The following CASK variants were observed in gnomAD, a reference collection of about 807,000 sequenced individuals.
CASK encodes the protein calcium/calmodulin dependent serine protein kinase.
Under a neutral mutation model 82.9 loss-of-function variants are expected in CASK, and 4 were observed. The observed-to-expected ratio is 0.05, with a 90% CI of 0.02 to 0.11. The LOEUF is 0.11. Ranked by LOEUF, CASK falls within the 10% of genes least tolerant of loss-of-function variation. CASK has a pLI of 1.00. For synonymous variants in CASK, 259 were observed against 253.5 expected (o/e 1.02, Z -0.20); for missense variants, 358 against 720.9 (o/e 0.50, Z 5.76).
intron 2 of CASK, among the ~76,000 whole-genome samples, chrX:41,814,735 TATA>T (rs1240733438): frequency 9.1e-6 from 1 of 109,627 alleles, no homozygotes; most frequent in East Asian, 2.8e-4. Context: ...GAACTTAAAG[TATA>T]ATAATAAAAA....
chrX:41,896,096 C>T lies in CASK; in HGVS notation c.59+26834G>A, dbSNP rs2072265873. Among the ~76,000 whole-genome samples, 3 of 111,493 alleles carry T rather than the reference C, an allele frequency of 2.7e-5. No individual in the cohort carries two copies. In the South Asian group the frequency reaches 1.1e-3, roughly 42 times the overall value. ...TACTGAAAACAAGGGTTAAATAAGTCTTTGCAGCCAATGATTAAGGATCCA... is the reference window on the plus strand; with the variant it reads ...TACTGAAAACAAGGGTTAAATAAGTTTTTGCAGCCAATGATTAAGGATCCA... On this transcript the variant is annotated intron_variant, in intron 1 of 26. Transcript: ENST00000378163.
chrX:41,737,219 C>T (rs986616229), intron 5 of CASK, among the ~76,000 whole-genome samples: 2 of 111,451 alleles, frequency 1.8e-5, no homozygotes, highest in African/African-American at 6.5e-5. Context: ...CAAAGAGCGC[C>T]CAGCCAGCTC....
At chrX:41,888,785 A>G (rs2072104017) in intron 1 of CASK, among the ~76,000 whole-genome samples, 1 of 104,955 alleles carries the variant, frequency 9.5e-6, no homozygotes, top group Non-Finnish European at 1.9e-5. Flanking sequence ...ATATACATGT[A>G]TGTGTATATA....
chrX:41,862,440 C>A (rs939748211), intron 1 of CASK, among the ~76,000 whole-genome samples: 3 of 106,688 alleles, frequency 2.8e-5, no homozygotes, highest in African/African-American at 1.0e-4. Context: ...ACTTGGGAGG[C>A]TAAGGCAGGG....
chrX:41,657,335 G>A (rs1054312996), intron 8 of CASK, among the ~76,000 whole-genome samples: 1 of 111,973 alleles, frequency 8.9e-6, no homozygotes, highest in Admixed American at 9.4e-5. Flanking sequence ...TGTCTGAAAC[G>A]GTGAAACCAA....
At chrX:41,854,217 GGC>G (rs760436631) in intron 1 of CASK, among the ~76,000 whole-genome samples, 6,868 of 52,550 alleles carry the variant, frequency 0.13, 282 homozygotes, top group East Asian at 0.38. Context: ...CGCGCGCGCG[GGC>G]GCGCGCACAC....
chrX:41,746,894 A>G (rs2068695828), intron 3 of CASK, among the ~76,000 whole-genome samples: 1 of 111,822 alleles, frequency 8.9e-6, no homozygotes, highest in African/African-American at 3.3e-5. Flanking sequence ...ACAAGATCGA[A>G]ATCTCTGTCT....
chrX:41,681,267 A>G (rs2067349958), intron 5 of CASK, among the ~76,000 whole-genome samples: 2 of 112,448 alleles, frequency 1.8e-5, no homozygotes, highest in Admixed American at 1.9e-4. Flanking sequence ...TTAGTACTAT[A>G]AAAATGTACA....
intron 11 of CASK, among the ~76,000 whole-genome samples, chrX:41,614,918 A>G (rs1416819517): frequency 1.8e-5 from 2 of 110,791 alleles, no homozygotes; most frequent in African/African-American, 3.3e-5. Context: ...TCCTGTGCTC[A>G]AGTGATCCTC....
chrX:41,760,410 G>A (rs1268038874), intron 3 of CASK, among the ~76,000 whole-genome samples: 2 of 111,952 alleles, frequency 1.8e-5, no homozygotes, highest in Admixed American at 9.5e-5. Flanking sequence ...TTCTCAGCCC[G>A]CTGTATAACT....
At chrX:41,690,126 G>T (rs2067516263) in intron 5 of CASK, among the ~76,000 whole-genome samples, 1 of 111,351 alleles carries the variant, frequency 9.0e-6, no homozygotes, top group Non-Finnish European at 1.9e-5. Context: ...ATAGCACATG[G>T]GTCACAAGTA....
chrX:41,642,356 C>G (rs2066674229), intron 8 of CASK, among the ~76,000 whole-genome samples: 1 of 111,807 alleles, frequency 8.9e-6, no homozygotes, highest in Non-Finnish European at 1.9e-5. Flanking sequence ...GTTTACAGTC[C>G]CACCAACAGT....
chrX:41,871,806 T>C (rs2071712497), intron 1 of CASK, among the ~76,000 whole-genome samples: 1 of 112,213 alleles, frequency 8.9e-6, no homozygotes, highest in South Asian at 3.7e-4. Flanking sequence ...TTCAGATACA[T>C]AGACCTTGGG....
Position 41,520,581 on chromosome X carries a change from G to A in CASK, c.2620C>T (p.Arg874Cys), listed in dbSNP as rs1204576497. 3 of 1,206,309 alleles carry A rather than the reference G, an allele frequency of 2.5e-6. No homozygotes were observed. Among genetic ancestry groups the A allele is most frequent in the Non-Finnish European group, 3.4e-6 (3 of 891,520 alleles). The stretch of plus-strand genomic sequence containing the variant: ...AAGATGTCAGACTCCTTCTGCAGAC[G>A]CTGAAGAGATTCATCCTAAATGGTG... The part of the protein sequence containing the change: ...PGLNEDESLQ[R>C]LQKESDILQR... Residue 874 changes from arginine (R) to cysteine (C), a missense_variant, in exon 27 of 27, where the codon CGT (arginine) becomes TGT (cysteine). Around this residue, in one of 5 missense-constraint regions of CASK, gnomAD observed 118 missense variants for 169.4 expected, o/e 0.70. Transcript: ENST00000378163.
intron 12 of CASK, among the ~76,000 whole-genome samples, chrX:41,607,007 T>C (rs1363298783): frequency 8.9e-6 from 1 of 112,505 alleles, no homozygotes; most frequent in African/African-American, 3.2e-5. Context: ...ACTGCACCTT[T>C]TTAATAGGCA....
At chrX:41,659,356 T>TA (rs2066994488) in intron 8 of CASK, among the ~76,000 whole-genome samples, 1 of 110,103 alleles carries the variant, frequency 9.1e-6, no homozygotes, top group African/African-American at 3.3e-5. Context: ...GCCTCCTCAG[T>TA]AGCTGGGGCT....
intron 9 of CASK, among the ~76,000 whole-genome samples, chrX:41,629,437 A>G (rs923868063): frequency 8.9e-6 from 1 of 112,288 alleles, no homozygotes; most frequent in Admixed American, 9.5e-5. Flanking sequence ...TAAGGGACTC[A>G]TTTTGCAGAC....
chrX:41,853,355 AAC>A (rs1280658278), intron 1 of CASK, 128 bp from the exon 2 acceptor site: 8 of 389,431 alleles, frequency 2.1e-5, no homozygotes, highest in Admixed American at 2.1e-4. Context: ...CTCCAAATTG[AAC>A]ACAGTTTTCA....
Position 41,578,532 on chromosome X carries a change from G to T in CASK, c.1315-4C>A, listed in dbSNP as rs749798034. On this transcript the variant is annotated splice_region_variant and splice_polypyrimidine_tract_variant and intron_variant, in intron 14 of 26. Transcript: ENST00000378163. ...CGTCGTGAGTCTGAAGTAAGGCCTAGTGTTTTATGAAGAAAAAAATTATTA... is the reference window on the plus strand; with the variant it reads ...CGTCGTGAGTCTGAAGTAAGGCCTATTGTTTTATGAAGAAAAAAATTATTA... 3 of 1,174,323 alleles carry T rather than the reference G, an allele frequency of 2.6e-6. No individual in the cohort carries two copies. Among genetic ancestry groups the T allele is most frequent in the Non-Finnish European group, 2.3e-6 (2 of 862,738 alleles).
Sources: gnomAD v4.1 joint callset for allele counts (sites outside exome capture counted in the v4.1 genomes callset) on GRCh38, gnomAD v4.1.1 for gene constraint, gnomAD v4.1.1 regional missense constraint, MANE v1.5 for transcripts, NCBI Gene and HGNC (gene_info 2026-07-23, HGNC 2026-07-21) for gene names.